SPEF2: variants seen among roughly 807,000 people sequenced by gnomAD.
The protein encoded by SPEF2 is sperm flagella and cilia-associated protein 2.
A neutral mutation model predicts 224.6 loss-of-function variants in SPEF2; 187 were observed. The observed-to-expected ratio is 0.83, with a 90% CI of 0.74 to 0.94. The LOEUF (loss-of-function observed/expected upper bound fraction) is 0.94. SPEF2 is among the 40% of genes least tolerant of loss of function. The pLI is 0.00. For synonymous variants in SPEF2, 715 were observed against 707.3 expected, an observed-to-expected ratio of 1.01 and a Z score of -0.17; for missense variants, 2,170 against 2,135.6, an observed-to-expected ratio of 1.02 and a Z score of -0.32.
At chr5:35,801,413 T>C (rs1757404398) in intron 34 of SPEF2, among the ~76,000 whole-genome samples, 1 of 151,996 alleles carries the variant, frequency 6.6e-6, no homozygotes, top group African/African-American at 2.4e-5. Context: ...CTCAGGAGAC[T>C]GAGACTGGAG....
chr5:35,691,780 A>G (rs1188348407), intron 11 of SPEF2, among the ~76,000 whole-genome samples: 3 of 151,890 alleles, frequency 2.0e-5, no homozygotes, highest in East Asian at 1.9e-4. Context: ...CACAATTTTT[A>G]TCTTTGTTTT....
At chr5:35,788,230 C>G (rs562655526) in intron 30 of SPEF2, 14 of 702,842 alleles carry the variant, frequency 2.0e-5, no homozygotes, top group South Asian at 1.8e-4. Context: ...GCAAAGTAAC[C>G]CTCGGGAGAG....
chr5:35,672,151 C>G (rs569071950), intron 10 of SPEF2, among the ~76,000 whole-genome samples: 97 of 150,712 alleles, frequency 6.4e-4, no homozygotes, highest in Non-Finnish European at 1.1e-3. Context: ...AACAGTTGTC[C>G]ACGTTTGTCA....
At chr5:35,638,962 T>C (rs1319810772) in intron 2 of SPEF2, among the ~76,000 whole-genome samples, 1 of 152,158 alleles carries the variant, frequency 6.6e-6, no homozygotes, top group Non-Finnish European at 1.5e-5. Flanking sequence ...GTGGCTCTTA[T>C]TGGCAGGACC....
In SPEF2 at chr5:35,700,504, C is replaced by G; in HGVS notation, c.2150C>G (p.Pro717Arg). The G allele has an allele frequency of 1.2e-6, 2 of 1,610,826 alleles. No individual in the cohort carries two copies. The highest frequency in any genetic ancestry group is 1.7e-6 in the Non-Finnish European group (2 of 1,178,582). The change falls in exon 16 of 37, where the codon CCT (proline) becomes CGT (arginine). Residue 717 changes from proline (P) to arginine (R), a missense_variant. By Grantham distance (103) the Pro-to-Arg change is moderately radical. Coordinates refer to ENST00000356031, the MANE Select transcript of SPEF2 (RefSeq NM_024867.4). ...GTCCTGTTTCAATTTAGTGAGATAC[C>G]TGTGAATCAAGACTGTATCCTAGAT... Reference protein sequence around the residue: ...DIIVNAINEIPVNQDCILDGF... With the variant: ...DIIVNAINEIRVNQDCILDGF...
intron 1 of SPEF2, among the ~76,000 whole-genome samples, chr5:35,618,289 C>A (rs901404362): frequency 2.6e-5 from 4 of 152,188 alleles, no homozygotes; most frequent in African/African-American, 9.7e-5. Flanking sequence ...CACGTCCCCA[C>A]TCTGCCGCTC....
At chr5:35,781,035 GAA>G (rs1168675823) in intron 30 of SPEF2, among the ~76,000 whole-genome samples, 3 of 151,868 alleles carry the variant, frequency 2.0e-5, no homozygotes, top group Non-Finnish European at 4.4e-5. Flanking sequence ...ATTAACTCTA[GAA>G]ACCCTTGGGA....
At chr5:35,732,539 A>G (rs1262064861) in intron 21 of SPEF2, among the ~76,000 whole-genome samples, 1 of 152,220 alleles carries the variant, frequency 6.6e-6, no homozygotes, top group Non-Finnish European at 1.5e-5. Flanking sequence ...CCCTTAAGGT[A>G]CGGTTAGACA....
At chr5:35,721,769 TG>T (rs1743726926) in intron 20 of SPEF2, among the ~76,000 whole-genome samples, 1 of 152,186 alleles carries the variant, frequency 6.6e-6, no homozygotes, top group Admixed American at 6.5e-5. Flanking sequence ...ATCCAGTTGC[TG>T]GGTGGGGTCC....
chr5:35,788,029 C>A (rs1406314443), intron 30 of SPEF2: 2 of 702,450 alleles, frequency 2.8e-6, no homozygotes, highest in African/African-American at 3.5e-5. Context: ...TGTTCTGCGC[C>A]TTGTGTCGTA....
At chr5:35,736,249 G>A (rs922629704) in intron 21 of SPEF2, among the ~76,000 whole-genome samples, 1 of 152,028 alleles carries the variant, frequency 6.6e-6, no homozygotes, top group African/African-American at 2.4e-5. Context: ...TTAAGATTAA[G>A]AAAAAGAAGA....
intron 24 of SPEF2, among the ~76,000 whole-genome samples, chr5:35,758,054 C>A (rs913875864): frequency 1.3e-5 from 2 of 152,092 alleles, no homozygotes; most frequent in African/African-American, 4.8e-5. Context: ...CAACAAAAAA[C>A]CAGACATTTA....
At chr5:35,629,673 T>C (rs1744807687) in intron 2 of SPEF2, among the ~76,000 whole-genome samples, 1 of 152,186 alleles carries the variant, frequency 6.6e-6, no homozygotes, top group African/African-American at 2.4e-5. Flanking sequence ...TATATTCACA[T>C]ATTTAGTATC....
rs377652181 is a variant in SPEF2 at position 35,714,029 on chromosome 5, A to G, written c.2914+1143A>G. On this transcript the variant is annotated intron_variant, in intron 20 of 36. Transcript: ENST00000356031. ...GTATATATGTTATATATAGTATTAT[A>G]TATTTTATATACAGTATATATATTT... 1.7e-3 allele frequency among the ~76,000 whole-genome samples: 12 copies of G among 6,902 alleles called. 2 individuals carry two copies. The highest frequency in any genetic ancestry group is 2.5e-3 in the African/African-American group (7 of 2,814). 4.5% of individuals were successfully genotyped at this position (6,902 alleles called of 152,430 possible). A position where few individuals can be genotyped will look rare whatever the true frequency, so the allele number is the denominator to read the frequency against.
chr5:35,785,792 C>T (rs370452722), intron 30 of SPEF2, among the ~76,000 whole-genome samples: 2 of 151,440 alleles, frequency 1.3e-5, no homozygotes, highest in Non-Finnish European at 2.9e-5. Context: ...CTCCTAGGCT[C>T]GTGATCCTCC....
At position 35,793,210 on chromosome 5, in the gene SPEF2, C is replaced by T. The variant is rs777398984; in HGVS notation, c.4606C>T (p.Arg1536Trp). ...LTVNSEFVDWRKFLLVTSMPW... is the reference protein window; with the variant it reads ...LTVNSEFVDWWKFLLVTSMPW... The stretch of plus-strand genomic sequence containing the variant: ...AGTCAACTCCGAGTTCGTGGACTGG[C>T]GGAAGTTCCTGTTAGTAACCTCAAT... Residue 1536 changes from arginine (R) to tryptophan (W), a missense_variant, in exon 32 of 37, where the codon CGG (arginine) becomes TGG (tryptophan). By Grantham distance (101) the Arg-to-Trp change is moderately radical. Coordinates refer to ENST00000356031, the MANE Select transcript of SPEF2 (RefSeq NM_024867.4). The T allele has an allele frequency of 2.0e-5, 32 of 1,614,148 alleles. No homozygotes were observed. The highest frequency in any genetic ancestry group is 5.0e-5 in the Admixed American group (3 of 60,022).
At chr5:35,664,368 GGAAGGAAGGAAGGAAA>G (rs1750154709) in intron 8 of SPEF2, among the ~76,000 whole-genome samples, 1 of 151,190 alleles carries the variant, frequency 6.6e-6, no homozygotes, top group Admixed American at 6.6e-5. Context: ...AAGGAAAGAA[GGAAGGAAGGAAGGAAA>G]GAAGGAAGGA....
chr5:35,655,835 G>A (rs887509877), intron 7 of SPEF2, among the ~76,000 whole-genome samples: 8 of 152,322 alleles, frequency 5.3e-5, no homozygotes, highest in Middle Eastern at 3.4e-3. Context: ...CTGTTTGAAT[G>A]CAAAGCAGAA....
intron 34 of SPEF2, among the ~76,000 whole-genome samples, chr5:35,802,597 A>G (rs777268456): frequency 7.2e-5 from 11 of 152,164 alleles, no homozygotes; most frequent in Non-Finnish European, 1.3e-4. Flanking sequence ...GGTGGCCAGA[A>G]AAGCCCTCTC....
Sources: gnomAD v4.1 joint callset for allele counts (sites outside exome capture counted in the v4.1 genomes callset) on GRCh38, gnomAD v4.1.1 for gene constraint, MANE v1.5 for transcripts, NCBI Gene and HGNC (gene_info 2026-07-23, HGNC 2026-07-21) for gene names.